PCDHAC1: variants seen among roughly 807,000 people sequenced by gnomAD.
PCDHAC1 encodes protocadherin alpha-C1.
PCDHAC1 carries 42 observed loss-of-function variants against 60.0 expected under a neutral mutation model. The ratio of observed to expected loss-of-function variants is 0.70; its 90% CI spans 0.55 to 0.90. PCDHAC1 has a LOEUF of 0.90. Ranked by LOEUF, PCDHAC1 falls within the 40% of genes least tolerant of loss-of-function variation. The pLI, the probability that PCDHAC1 is intolerant of heterozygous loss-of-function variation, is 0.00. For missense variants in PCDHAC1, 1,160 were observed against 1,222.3 expected, an observed-to-expected ratio of 0.95 and a Z score of 0.76; for synonymous variants, 468 against 499.3, an observed-to-expected ratio of 0.94 and a Z score of 0.84.
intron 3 of PCDHAC1, among the ~76,000 whole-genome samples, chr5:140,999,159 G>T (rs1056236953): frequency 6.6e-6 from 1 of 152,182 alleles, no homozygotes; most frequent in Non-Finnish European, 1.5e-5. Flanking sequence ...CAGTCCCCTA[G>T]AAGGAAAAGA....
chr5:140,940,437 C>T (rs1212783028), intron 1 of PCDHAC1, among the ~76,000 whole-genome samples: 1 of 151,730 alleles, frequency 6.6e-6, no homozygotes, highest in Non-Finnish European at 1.5e-5. Context: ...TCAAGTCTGC[C>T]ATGATATTTT....
At chr5:140,947,234 AAAAAT>A (rs1164220377) in intron 1 of PCDHAC1, among the ~76,000 whole-genome samples, 3 of 151,602 alleles carry the variant, frequency 2.0e-5, no homozygotes, top group Non-Finnish European at 3.0e-5. Flanking sequence ...GACAGGAAAA[AAAAAT>A]AAGATAATCC....
chr5:140,949,260 T>A (rs1292112980), intron 1 of PCDHAC1, among the ~76,000 whole-genome samples: 1 of 151,804 alleles, frequency 6.6e-6, no homozygotes, highest in African/African-American at 2.4e-5. Flanking sequence ...GATGAACATA[T>A]CACGTGCACT....
chr5:140,999,797 T>C (rs2097876830), intron 3 of PCDHAC1, among the ~76,000 whole-genome samples: 1 of 152,202 alleles, frequency 6.6e-6, no homozygotes, highest in African/African-American at 2.4e-5. Context: ...CAGAGTTATT[T>C]TGGGCACAAA....
At chr5:140,958,995 T>G (rs868959473) in intron 1 of PCDHAC1, among the ~76,000 whole-genome samples, 1 of 152,148 alleles carries the variant, frequency 6.6e-6, no homozygotes, top group African/African-American at 2.4e-5. Flanking sequence ...TGCTAATCTT[T>G]TACTGTACCT....
rs1554204645 is a variant in PCDHAC1, at chr5:140,927,506, C to G, written c.614C>G (p.Ala205Gly). 1 of 1,614,128 alleles carries G rather than the reference C, an allele frequency of 6.2e-7. No individual in the cohort carries two copies. Among genetic ancestry groups the G allele is most frequent in the Non-Finnish European group, 8.5e-7 (1 of 1,180,036 alleles). ...GCCACCCACCTGCTGGTGCTTACAGCTCGGGACGGCGGGCTACCTGCCCGC... is the reference window on the plus strand; with the variant it reads ...GCCACCCACCTGCTGGTGCTTACAGGTCGGGACGGCGGGCTACCTGCCCGC... The part of the protein sequence containing the change: ...QRATHLLVLT[A>G]RDGGLPARSG... The change falls in exon 1 of 4, where the codon GCT becomes GGT. Residue 205 changes from alanine (A) to glycine (G), a missense_variant. Transcript: ENST00000253807.
intron 1 of PCDHAC1, among the ~76,000 whole-genome samples, chr5:140,965,126 A>C (rs540121719): frequency 7.9e-5 from 12 of 152,372 alleles, no homozygotes; most frequent in African/African-American, 2.6e-4. Flanking sequence ...GAAGATCTAC[A>C]GATGACAGAA....
chr5:141,003,741 A>G (rs1291595687), intron 3 of PCDHAC1, among the ~76,000 whole-genome samples: 5 of 152,180 alleles, frequency 3.3e-5, no homozygotes, highest in South Asian at 2.1e-4. Flanking sequence ...AAGCAAAACC[A>G]TATTTTGTAT....
intron 1 of PCDHAC1, among the ~76,000 whole-genome samples, chr5:140,963,667 T>G (rs1206076549): frequency 3.9e-5 from 6 of 152,238 alleles, no homozygotes; most frequent in African/African-American, 1.4e-4. Context: ...CTATATGGCA[T>G]AGTTAAATGT....
rs554327220 is a variant in PCDHAC1 at position 140,980,560 on chromosome 5, G to T, written c.2492+1553G>T. Reference sequence around the variant, plus strand: ...CAGGAGAATCGCTTGAACCCGGGAGGCGGAAGTTGCAGTGAGCCAAGATCG... The same window carrying T: ...CAGGAGAATCGCTTGAACCCGGGAGTCGGAAGTTGCAGTGAGCCAAGATCG... On this transcript the variant is annotated intron_variant, in intron 2 of 3. Coordinates refer to ENST00000253807, the MANE Select transcript of PCDHAC1 (RefSeq NM_018898.5). Among the ~76,000 whole-genome samples the T allele has an allele frequency of 1.6e-4, 25 of 152,244 alleles. No individual in the cohort carries two copies. The East Asian group carries it at 4.6e-3, about 28-fold the overall frequency.
chr5:141,002,873 G>C (rs780574639), intron 3 of PCDHAC1, among the ~76,000 whole-genome samples: 44 of 152,148 alleles, frequency 2.9e-4, no homozygotes, highest in Admixed American at 2.6e-4. Context: ...AAGTCCTCAA[G>C]AACAGAAAGA....
Position 140,929,023 on chromosome 5 carries a change from C to G in PCDHAC1, c.2131C>G (p.Pro711Ala), listed in dbSNP as rs2085741813. Residue 711 changes from proline (P) to alanine (A), a missense_variant, in exon 1 of 4, where the codon CCA (proline) becomes GCA (alanine). Around this residue, in one of 3 missense-constraint regions of PCDHAC1, gnomAD observed 1,113 missense variants for 1,163.7 expected, o/e 0.96. Transcript: ENST00000253807. ...CGTGTGTACCAAGTTGCACCAGAGCCCAGGCTGTTGCGCTCAGAGCTGCTG... is the reference window on the plus strand; with the variant it reads ...CGTGTGTACCAAGTTGCACCAGAGCGCAGGCTGTTGCGCTCAGAGCTGCTG... ...FFVCTKLHQS[P>A]GCCAQSCCRS... 2.5e-6 allele frequency: 4 copies of G among 1,614,056 alleles called. No homozygotes were observed. The Admixed American group carries it at 6.7e-5, about 27-fold the overall frequency.
At chr5:140,944,865 T>G (rs1227128611) in intron 1 of PCDHAC1, among the ~76,000 whole-genome samples, 3 of 152,166 alleles carry the variant, frequency 2.0e-5, no homozygotes, top group Non-Finnish European at 4.4e-5. Flanking sequence ...TTATTTATCT[T>G]AACCACCTAC....
intron 1 of PCDHAC1, among the ~76,000 whole-genome samples, chr5:140,977,388 T>C (rs1187960215): frequency 6.6e-6 from 1 of 152,248 alleles, no homozygotes; most frequent in East Asian, 1.9e-4. Flanking sequence ...TCCAGGTTTA[T>C]AAAATGATTT....
intron 3 of PCDHAC1, among the ~76,000 whole-genome samples, chr5:140,998,290 C>T (rs782194130): frequency 3.9e-5 from 6 of 152,180 alleles, no homozygotes; most frequent in Admixed American, 2.6e-4. Context: ...TAAATCAGAT[C>T]ACACATTTAG....
intron 1 of PCDHAC1, among the ~76,000 whole-genome samples, chr5:140,956,811 C>T (rs1349300314): frequency 6.6e-6 from 1 of 152,108 alleles, no homozygotes; most frequent in African/African-American, 2.4e-5. Context: ...TTTATTATTG[C>T]TTCAATTTGT....
chr5:141,000,423 T>C (rs470406), intron 3 of PCDHAC1, among the ~76,000 whole-genome samples: 6 of 66,864 alleles, frequency 9.0e-5, no homozygotes, highest in Non-Finnish European at 1.8e-4. Context: ...ATATATATAT[T>C]TTTTTTTTTT....
intron 3 of PCDHAC1, among the ~76,000 whole-genome samples, chr5:140,982,904 T>G (rs1353983952): frequency 1.3e-5 from 2 of 151,900 alleles, no homozygotes; most frequent in African/African-American, 4.8e-5. Context: ...GGTGGCCTTA[T>G]GCACAGAGAT....
At chr5:140,957,189 G>A (rs1376112973) in intron 1 of PCDHAC1, among the ~76,000 whole-genome samples, 1 of 152,056 alleles carries the variant, frequency 6.6e-6, no homozygotes. Context: ...ATTGATGACC[G>A]ATTGGGAATA....
Sources: gnomAD v4.1 joint callset for allele counts (sites outside exome capture counted in the v4.1 genomes callset) on GRCh38, gnomAD v4.1.1 for gene constraint, gnomAD v4.1.1 regional missense constraint, MANE v1.5 for transcripts, NCBI Gene and HGNC (gene_info 2026-07-23, HGNC 2026-07-21) for gene names.